The following SLC2A14 variants were observed in gnomAD, a reference collection of about 807,000 sequenced individuals.
The protein encoded by SLC2A14 is solute carrier family 2, facilitated glucose transporter member 14.
A neutral mutation model predicts 43.0 loss-of-function variants in SLC2A14; 13 were observed. The ratio of observed to expected loss-of-function variants is 0.30; its 90% CI spans 0.20 to 0.48. SLC2A14 has a LOEUF of 0.48. Ranked by LOEUF, SLC2A14 falls within the 20% of genes least tolerant of loss-of-function variation. The pLI is 0.99. For missense variants in SLC2A14, 428 were observed against 620.4 expected (o/e 0.69, Z 3.29); for synonymous variants, 190 against 233.8 (o/e 0.81, Z 1.71).
chr12:7,856,751 C>A (rs962412893), intron 2 of SLC2A14, among the ~76,000 whole-genome samples: 1 of 152,110 alleles, frequency 6.6e-6, no homozygotes, highest in African/African-American at 2.4e-5. Context: ...CTCGGCTCCA[C>A]CCCAGGCCTG....
intron 1 of SLC2A14, chr12:7,871,438 A>G: frequency 4.8e-6 from 1 of 206,830 alleles, no homozygotes; most frequent in Non-Finnish European, 9.4e-6. Flanking sequence ...CCCGGCACAC[A>G]CTGGTCTGTA....
chr12:7,827,105 C>G (rs1380384996), intron 7 of SLC2A14, among the ~76,000 whole-genome samples: 2 of 129,380 alleles, frequency 1.5e-5, no homozygotes, highest in Non-Finnish European at 3.2e-5. Flanking sequence ...CTCTTTCTTT[C>G]TTTCTTTCTT....
intron 6 of SLC2A14, 27 bp downstream of exon 6, chr12:7,828,677 G>A (rs1864717106): frequency 2.5e-6 from 4 of 1,612,144 alleles, no homozygotes; most frequent in Non-Finnish European, 3.4e-6. Flanking sequence ...CATATACTTT[G>A]TATACTAAAG....
chr12:7,880,407 G>A (rs147813727), intron 1 of SLC2A14, among the ~76,000 whole-genome samples: 3 of 151,606 alleles, frequency 2.0e-5, no homozygotes, highest in Non-Finnish European at 4.4e-5. Context: ...CCCAGGAGGC[G>A]GAGGTTGTAG....
At chr12:7,845,593 C>T (rs1245837997) in intron 2 of SLC2A14, among the ~76,000 whole-genome samples, 2 of 150,172 alleles carry the variant, frequency 1.3e-5, no homozygotes, top group Non-Finnish European at 3.0e-5. Flanking sequence ...TCCTGCCTAA[C>T]ATGGTGAAAC....
At chr12:7,871,216 G>T (rs1945213576) in intron 1 of SLC2A14, 1 of 1,249,888 alleles carries the variant, frequency 8.0e-7, no homozygotes, top group South Asian at 1.8e-5. Context: ...CATTCATGAG[G>T]ACCACCTCCA....
chr12:7,855,553 TCTC>T (rs1867291199), intron 2 of SLC2A14, among the ~76,000 whole-genome samples: 1 of 152,058 alleles, frequency 6.6e-6, no homozygotes, highest in African/African-American at 2.4e-5. Flanking sequence ...AGCTGCCTGT[TCTC>T]CTCAACCAGT....
In SLC2A14 at chr12:7,878,976, CAAAAAAAAA is replaced by C. The variant is rs58838986; in HGVS notation, c.132+12011_132+12019del. ...TGGGCGACACAGCAAGAGTCCGTCT[CAAAAAAAAA>C]AAAAAAAAAAAAAAAAAAAACAATT... On this transcript the variant is annotated intron_variant, in intron 1 of 9. Coordinates refer to the SLC2A14 transcript ENST00000539924. Among the ~76,000 whole-genome samples, 1,016 of 69,234 alleles carry C rather than the reference CAAAAAAAAA, an allele frequency of 0.015. 36 individuals are homozygous for C. In the East Asian group the frequency reaches 0.2, roughly 14 times the overall value. The allele number at this position is 69,234 out of a possible 152,430, so 45.4% of individuals were successfully genotyped here. A position where few individuals can be genotyped will look rare whatever the true frequency, so the allele number is the denominator to read the frequency against.
chr12:7,876,738 ACCT>A (rs1945469526), upstream of SLC2A14, among the ~76,000 whole-genome samples: 1 of 152,020 alleles, frequency 6.6e-6, no homozygotes, highest in East Asian at 1.9e-4. Context: ...ACTTAATGGG[ACCT>A]AAGCTCTGTC....
intron 2 of SLC2A14, among the ~76,000 whole-genome samples, chr12:7,862,092 C>T (rs1053272365): frequency 6.6e-6 from 1 of 151,308 alleles, no homozygotes; most frequent in South Asian, 2.1e-4. Flanking sequence ...GGTGAAACCC[C>T]GTCTCTACTA....
intron 2 of SLC2A14, among the ~76,000 whole-genome samples, chr12:7,846,828 T>C (rs1866510145): frequency 1.3e-5 from 2 of 148,694 alleles, no homozygotes; most frequent in African/African-American, 4.9e-5. Context: ...GAGACAGGGT[T>C]TCACTGTGTT....
chr12:7,852,198 A>C (rs1866990333), intron 2 of SLC2A14, among the ~76,000 whole-genome samples: 1 of 152,190 alleles, frequency 6.6e-6, no homozygotes, highest in Non-Finnish European at 1.5e-5. Flanking sequence ...CGTGGGGAAG[A>C]GAAACAGAAG....
At chr12:7,853,329 C>T (rs758682231) in intron 2 of SLC2A14, among the ~76,000 whole-genome samples, 3 of 150,438 alleles carry the variant, frequency 2.0e-5, no homozygotes, top group African/African-American at 7.3e-5. Context: ...ATCCCAGCTA[C>T]TCAGGAGGCT....
intron 1 of SLC2A14, among the ~76,000 whole-genome samples, chr12:7,883,020 C>T (rs1444090174): frequency 6.6e-6 from 1 of 151,590 alleles, no homozygotes; most frequent in South Asian, 2.1e-4. Flanking sequence ...ACCATCCTGG[C>T]CAACATGGTG....
intron 7 of SLC2A14, among the ~76,000 whole-genome samples, chr12:7,826,872 T>C (rs1324086574): frequency 0.22 from 13,430 of 61,306 alleles, 2,467 homozygotes; most frequent in Middle Eastern, 0.3. Context: ...TTTCTTTCTT[T>C]CTTTCTTTCT....
At chr12:7,828,982 G>C in intron 5 of SLC2A14, 116 bp from the exon 6 acceptor site, 1 of 1,287,252 alleles carries the variant, frequency 7.8e-7, no homozygotes, top group Non-Finnish European at 1.1e-6. Context: ...CAGCACTTTG[G>C]AAGGCTGAGG....
At position 7,870,991 on chromosome 12, in the gene SLC2A14, T is replaced by A. The variant is rs755291476; in HGVS notation, c.-57-1054A>T. The A allele has an allele frequency of 2.1e-6, 3 of 1,437,002 alleles. No individual in the cohort carries two copies. The East Asian group carries it at 1.0e-4, about 49-fold the overall frequency. 89.0% of individuals were successfully genotyped at this position (1,437,002 alleles called of 1,614,324 possible). ...CTTTCAACATGATTGACCAGAACCA[T>A]GATGGCTTCAATGACAAGGGGGACA... On this transcript the variant is annotated intron_variant, in intron 1 of 10. Transcript: ENST00000431042.
intron 2 of SLC2A14, among the ~76,000 whole-genome samples, chr12:7,843,943 C>T (rs1866230396): frequency 6.7e-6 from 1 of 149,780 alleles, no homozygotes; most frequent in Admixed American, 6.6e-5. Context: ...AGGGTGAGTT[C>T]TTCCTTCCTT....
chr12:7,874,746 TATAA>T (rs1375364509), upstream of SLC2A14, among the ~76,000 whole-genome samples: 1 of 100,028 alleles, frequency 1.0e-5, no homozygotes, highest in Non-Finnish European at 1.9e-5. Context: ...TAAAAATATA[TATAA>T]ATATTTATAT....
Sources: gnomAD v4.1 joint callset for allele counts (sites outside exome capture counted in the v4.1 genomes callset) on GRCh38, gnomAD v4.1.1 for gene constraint, MANE v1.5 for transcripts, NCBI Gene and HGNC (gene_info 2026-07-23, HGNC 2026-07-21) for gene names.